The following SCYL2 variants were observed in gnomAD, a reference collection of about 807,000 sequenced individuals.
The protein encoded by SCYL2 is SCY1-like protein 2.
In SCYL2, 36 loss-of-function variants were observed where a neutral mutation model predicts 100.4. That is an observed-to-expected ratio of 0.36 (90% confidence interval 0.27 to 0.47). The LOEUF (loss-of-function observed/expected upper bound fraction) is 0.47. SCYL2 is among the 20% of genes least tolerant of loss of function. The probability of loss-of-function intolerance (pLI) is 1.00; values close to 1 mark genes in which losing one functional copy is unlikely to be tolerated. For synonymous variants in SCYL2, 330 were observed against 359.2 expected, an observed-to-expected ratio of 0.92 and a Z score of 0.92; for missense variants, 902 against 1,083.9, an observed-to-expected ratio of 0.83 and a Z score of 2.36.
At chr12:100,325,236 C>A (rs1000233480) in intron 11 of SCYL2, among the ~76,000 whole-genome samples, 1 of 151,920 alleles carries the variant, frequency 6.6e-6, no homozygotes, top group Non-Finnish European at 1.5e-5. Context: ...CAAAGCAAAG[C>A]GAGTACCTGT....
intron 4 of SCYL2, 99 bp downstream of exon 4, chr12:100,298,274 C>G (rs999602845): frequency 3.4e-6 from 3 of 876,134 alleles, no homozygotes; most frequent in Admixed American, 3.6e-5. Flanking sequence ...TTTAGGTAAA[C>G]TTTTGGTTCT....
At chr12:100,326,803 ATT>A in intron 12 of SCYL2, 49 bp downstream of exon 12, 1 of 1,536,718 alleles carries the variant, frequency 6.5e-7, no homozygotes, top group Non-Finnish European at 8.9e-7. Flanking sequence ...ATGCAAATAA[ATT>A]TTCCAATCTA....
chr12:100,325,405 A>G (rs2096360605), intron 11 of SCYL2, among the ~76,000 whole-genome samples: 1 of 152,232 alleles, frequency 6.6e-6, no homozygotes, highest in South Asian at 2.1e-4. Flanking sequence ...GAATGTATTT[A>G]TATTTAGAAC....
At chr12:100,326,876 AAATACCAT>A in intron 12 of SCYL2, 122 bp downstream of exon 12, 1 of 754,412 alleles carries the variant, frequency 1.3e-6, no homozygotes, top group Non-Finnish European at 2.1e-6. Flanking sequence ...ATGATGTGAT[AAATACCAT>A]AATATAACTT....
intron 5 of SCYL2, 26 bp from the exon 6 acceptor site, chr12:100,312,406 C>G: frequency 1.4e-6 from 2 of 1,462,870 alleles, no homozygotes; most frequent in Non-Finnish European, 1.9e-6. Flanking sequence ...TTGAAGTAAC[C>G]CATGTAATTC....
intron 10 of SCYL2, among the ~76,000 whole-genome samples, chr12:100,321,690 A>G (rs1305866367): frequency 6.6e-6 from 1 of 152,170 alleles, no homozygotes; most frequent in African/African-American, 2.4e-5. Context: ...TAACATTTTC[A>G]TATATATCCT....
intron 1 of SCYL2, among the ~76,000 whole-genome samples, chr12:100,280,856 C>T (rs1028202433): frequency 6.6e-6 from 1 of 151,934 alleles, no homozygotes; most frequent in Non-Finnish European, 1.5e-5. Flanking sequence ...GATAAATATT[C>T]AACCTGTAAC....
chr12:100,315,805 G>C, intron 9 of SCYL2, 71 bp downstream of exon 9: 1 of 1,292,328 alleles, frequency 7.7e-7, no homozygotes. Context: ...AAAACAAAAG[G>C]AATGAATATA....
rs541130540 is a variant in SCYL2, at chr12:100,330,289, T to TATTGTTTGAGTATTGGTATTGTTTGA, written c.1761+970_1761+971insATTGTTTGAGTATTGGTATTGTTTGA. On this transcript the variant is annotated intron_variant, in intron 13 of 17. Transcript: ENST00000360820. ...GGTTTAGGTATTTGAACTTTCAAGGTGTGGTAAATGTTTGAGTAAAGGAAT... is the reference window on the plus strand; with the variant it reads ...GGTTTAGGTATTTGAACTTTCAAGGTATTGTTTGAGTATTGGTATTGTTTGAGTGGTAAATGTTTGAGTAAAGGAAT... Among the ~76,000 whole-genome samples, 91 of 152,202 alleles carry TATTGTTTGAGTATTGGTATTGTTTGA rather than the reference T, an allele frequency of 6.0e-4. No homozygotes were observed. The South Asian group carries it at 0.018, about 31-fold the overall frequency.
chr12:100,311,035 C>A lies in SCYL2; in HGVS notation c.481-9C>A, dbSNP rs1169733094. The A allele has an allele frequency of 2.0e-6, 3 of 1,513,980 alleles. No homozygotes were observed. The highest frequency in any genetic ancestry group is 2.8e-5 in the South Asian group (2 of 72,438). The allele number at this position is 1,513,980 out of a possible 1,614,324, so 93.8% of individuals were successfully genotyped here. A position where few individuals can be genotyped will look rare whatever the true frequency, so the allele number is the denominator to read the frequency against. On this transcript the variant is annotated splice_polypyrimidine_tract_variant and intron_variant, in intron 4 of 17. Transcript: ENST00000360820. The stretch of plus-strand genomic sequence containing the variant: ...TATTTAGTGTAAAATGTGTTTTTTC[C>A]ATTTACAGGTTTCTGAAGGATTGTC...
intron 1 of SCYL2, among the ~76,000 whole-genome samples, chr12:100,271,428 G>A (rs1046158589): frequency 6.6e-6 from 1 of 152,108 alleles, no homozygotes; most frequent in Non-Finnish European, 1.5e-5. Context: ...ATTCTTGAAT[G>A]TAATTCTTAA....
intron 3 of SCYL2, among the ~76,000 whole-genome samples, chr12:100,297,629 G>T (rs942791160): frequency 6.6e-6 from 1 of 152,110 alleles, no homozygotes; most frequent in Admixed American, 6.5e-5. Context: ...TCCTTTGAGC[G>T]TATTCTGAAA....
chr12:100,278,842 A>G (rs1469381122), intron 1 of SCYL2, among the ~76,000 whole-genome samples: 2 of 151,906 alleles, frequency 1.3e-5, no homozygotes, highest in South Asian at 2.1e-4. Flanking sequence ...GTTTGCCAGG[A>G]TGGTCTCCAT....
intron 2 of SCYL2, among the ~76,000 whole-genome samples, chr12:100,287,983 AATAT>A (rs1315123629): frequency 6.6e-6 from 1 of 152,192 alleles, no homozygotes; most frequent in African/African-American, 2.4e-5. Flanking sequence ...AGAGGATTGT[AATAT>A]ATATAAGGTG....
rs564399314 is a variant in SCYL2, at chr12:100,321,783, C to G, written c.1396-1742C>G. On this transcript the variant is annotated intron_variant, in intron 10 of 17. Coordinates refer to ENST00000360820, the MANE Select transcript of SCYL2 (RefSeq NM_017988.6). ...TGGGATTAGGTGCGGTAGCTCACAC[C>G]TGTAATTTGAGCACTTTGGAAGACT... is the stretch of plus-strand genomic sequence containing the variant. Among the ~76,000 whole-genome samples, 29 of 152,258 alleles carry G rather than the reference C, an allele frequency of 1.9e-4. 1 individual carries two copies. The South Asian group carries it at 5.6e-3, about 29-fold the overall frequency.
At chr12:100,310,957 G>A (rs1171008010) in intron 4 of SCYL2, 87 bp from the exon 5 acceptor site, 9 of 1,276,636 alleles carry the variant, frequency 7.0e-6, no homozygotes, top group Non-Finnish European at 9.4e-6. Flanking sequence ...ATTGTGAAGA[G>A]TAGCAATAAT....
chr12:100,329,530 A>G (rs546165953), intron 13 of SCYL2, among the ~76,000 whole-genome samples: 1 of 152,326 alleles, frequency 6.6e-6, no homozygotes, highest in African/African-American at 2.4e-5. Context: ...AGAAATATGT[A>G]GGATTTGGGA....
intron 14 of SCYL2, 89 bp downstream of exon 14, chr12:100,334,355 C>T: frequency 2.5e-6 from 2 of 799,016 alleles, no homozygotes; most frequent in South Asian, 1.5e-5. Context: ...GAATAGAAAA[C>T]TTGCTGGATT....
chr12:100,323,863 G>A, intron 11 of SCYL2: 1 of 280,090 alleles, frequency 3.6e-6, no homozygotes, highest in Non-Finnish European at 6.6e-6. Flanking sequence ...GAGTGCTTCA[G>A]TAAAAAAGTT....
Sources: gnomAD v4.1 joint callset for allele counts (sites outside exome capture counted in the v4.1 genomes callset) on GRCh38, gnomAD v4.1.1 for gene constraint, MANE v1.5 for transcripts, NCBI Gene and HGNC (gene_info 2026-07-23, HGNC 2026-07-21) for gene names.